MYT1L: variants seen among roughly 807,000 people sequenced by gnomAD.
MYT1L encodes myelin transcription factor 1 like, also known as myelin transcription factor 1-like protein.
MYT1L carries 12 observed loss-of-function variants against 126.7 expected under a neutral mutation model. The ratio of observed to expected loss-of-function variants is 0.09; its 90% CI spans 0.06 to 0.15. MYT1L has a LOEUF of 0.15. Ranked by LOEUF, MYT1L falls within the 10% of genes least tolerant of loss-of-function variation. The pLI, the probability that MYT1L is intolerant of heterozygous loss-of-function variation, is 1.00. For synonymous variants in MYT1L, 541 were observed against 604.2 expected, an observed-to-expected ratio of 0.90 and a Z score of 1.53; for missense variants, 979 against 1,585.2, an observed-to-expected ratio of 0.62 and a Z score of 6.49.
At chr2:2,307,916 A>G (rs2095881368) in intron 1 of MYT1L, among the ~76,000 whole-genome samples, 4 of 149,782 alleles carry the variant, frequency 2.7e-5, no homozygotes, top group Non-Finnish European at 3.0e-5. Flanking sequence ...CACTCTATCT[A>G]TACTCCACCT....
In MYT1L at chr2:2,247,758, A is replaced by G. The variant is rs148127730; in HGVS notation, c.-421+36646T>C. Among the ~76,000 whole-genome samples the G allele has an allele frequency of 6.1e-3, 930 of 152,302 alleles. 10 individuals are homozygous for G. Among genetic ancestry groups the G allele is most frequent in the African/African-American group, 0.021 (889 of 41,570 alleles). On this transcript the variant is annotated intron_variant, in intron 2 of 24. Coordinates refer to ENST00000647738, the MANE Select transcript of MYT1L (RefSeq NM_001303052.2). Reference sequence around the variant, plus strand: ...ATTTCCATGAATTTTACAAATACATAGAAATTAAACAGCATGTTCCTGAAT... The same window carrying G: ...ATTTCCATGAATTTTACAAATACATGGAAATTAAACAGCATGTTCCTGAAT...
Position 1,943,854 on chromosome 2 carries a change from C to A in MYT1L, c.153-520G>T, listed in dbSNP as rs944277726. Among the ~76,000 whole-genome samples the A allele has an allele frequency of 3.3e-5, 5 of 152,114 alleles. No individual in the cohort carries two copies. Among genetic ancestry groups the A allele is most frequent in the African/African-American group, 9.7e-5 (4 of 41,418 alleles). ...TTATGGATTAAATTATATCTTTAGA[C>A]TTGATAACCTCCTGAAACAAGATGA... On this transcript the variant is annotated intron_variant, in intron 8 of 24. Coordinates refer to ENST00000647738, the MANE Select transcript of MYT1L (RefSeq NM_001303052.2). The surrounding 1 kb of genome is among the most constrained non-coding windows in gnomAD (Gnocchi z 4.4).
intron 1 of MYT1L, among the ~76,000 whole-genome samples, chr2:2,307,919 C>T (rs1164303394): frequency 6.7e-6 from 1 of 150,132 alleles, no homozygotes; most frequent in Non-Finnish European, 1.5e-5. Flanking sequence ...TCTATCTATA[C>T]TCCACCTATA....
chr2:2,310,461 C>T (rs1299739012), intron 1 of MYT1L, among the ~76,000 whole-genome samples: 2 of 152,148 alleles, frequency 1.3e-5, no homozygotes, highest in East Asian at 3.9e-4. Context: ...CACTTCAGTA[C>T]ACTATACTAC....
chr2:1,956,191 G>GCCTA (rs2058336634), intron 8 of MYT1L, among the ~76,000 whole-genome samples: 1 of 145,876 alleles, frequency 6.9e-6, no homozygotes, highest in African/African-American at 2.7e-5. Flanking sequence ...TTACCTAGCT[G>GCCTA]TCTATCTATC....
At chr2:2,272,751 C>G (rs2095288163) in intron 2 of MYT1L, among the ~76,000 whole-genome samples, 1 of 152,180 alleles carries the variant, frequency 6.6e-6, no homozygotes, top group African/African-American at 2.4e-5. Flanking sequence ...GGCTTCCCTG[C>G]CAGTCTTTCT....
chr2:2,246,192 G>C (rs1422233284), intron 2 of MYT1L, among the ~76,000 whole-genome samples: 2 of 152,108 alleles, frequency 1.3e-5, no homozygotes, highest in East Asian at 3.9e-4. Context: ...AAGAGAGCTA[G>C]CAGAGAGGTG....
At chr2:1,797,699 T>A (rs1225279197) in intron 23 of MYT1L, among the ~76,000 whole-genome samples, 1 of 152,246 alleles carries the variant, frequency 6.6e-6, no homozygotes, top group Non-Finnish European at 1.5e-5. Context: ...TCTTCTCAAT[T>A]AAATAAAATT....
intron 18 of MYT1L, among the ~76,000 whole-genome samples, chr2:1,874,100 G>A (rs770693199): frequency 1.5e-4 from 23 of 152,066 alleles, no homozygotes; most frequent in Admixed American, 7.2e-4. Flanking sequence ...TTTGCGTGCC[G>A]GCCTGAGATG....
intron 2 of MYT1L, among the ~76,000 whole-genome samples, chr2:2,267,352 G>A (rs545071309): frequency 6.6e-6 from 1 of 152,352 alleles, no homozygotes; most frequent in Non-Finnish European, 1.5e-5. Context: ...GAGAGGTGGA[G>A]TGAATTCCGA....
chr2:2,000,775 C>A (rs986262490), intron 4 of MYT1L, among the ~76,000 whole-genome samples: 1 of 152,174 alleles, frequency 6.6e-6, no homozygotes. Context: ...GGTTCTAAGG[C>A]CCTGCATGTC....
At chr2:2,016,255 CA>C (rs1026941809) in intron 4 of MYT1L, among the ~76,000 whole-genome samples, 1 of 152,162 alleles carries the variant, frequency 6.6e-6, no homozygotes, top group African/African-American at 2.4e-5. Flanking sequence ...CGTGATATGC[CA>C]GGGGAGAGAG....
rs537894499 is a variant in MYT1L at position 1,909,538 on chromosome 2, C to T, written c.1817+702G>A. Among the ~76,000 whole-genome samples, 17 of 152,196 alleles carry T rather than the reference C, an allele frequency of 1.1e-4. No homozygotes were observed. The South Asian group carries it at 2.7e-3, about 24-fold the overall frequency. On this transcript the variant is annotated intron_variant, in intron 13 of 24. Coordinates refer to ENST00000647738, the MANE Select transcript of MYT1L (RefSeq NM_001303052.2). ...ATGTAGATGAGGATTTCAAACAACACGTAAGAATGAAAGCTGTATAGAAGG... is the reference window on the plus strand; with the variant it reads ...ATGTAGATGAGGATTTCAAACAACATGTAAGAATGAAAGCTGTATAGAAGG...
At chr2:2,026,348 C>T (rs569655717) in intron 4 of MYT1L, among the ~76,000 whole-genome samples, 2 of 152,212 alleles carry the variant, frequency 1.3e-5, no homozygotes, top group Admixed American at 6.5e-5. Flanking sequence ...GTTCAGAGAC[C>T]GGGTGTCCCA....
At chr2:2,299,348 G>A (rs2095749344) in intron 1 of MYT1L, among the ~76,000 whole-genome samples, 1 of 152,240 alleles carries the variant, frequency 6.6e-6, no homozygotes, top group African/African-American at 2.4e-5. Context: ...CGCCAGCAGG[G>A]ACCCATGTCA....
intron 18 of MYT1L, among the ~76,000 whole-genome samples, chr2:1,873,305 A>T (rs1477537592): frequency 2.0e-5 from 3 of 152,242 alleles, no homozygotes; most frequent in Non-Finnish European, 4.4e-5. Flanking sequence ...TTTTTATTTT[A>T]CCTAAAATCT....
chr2:1,809,080 G>C lies in MYT1L; in HGVS notation c.3168C>G (p.Ser1056Arg). The change falls in exon 22 of 25, where the codon AGC (serine) becomes AGG (arginine). Residue 1056 changes from serine to arginine, a missense_variant. Transcript: ENST00000647738. ...EQMLTIKQRASNGIENDEEIK... is the reference protein window; with the variant it reads ...EQMLTIKQRARNGIENDEEIK... Reference sequence around the variant, plus strand: ...GAGGGCTGGAGGGGTGCTCACCGTTGCTGGCCCGCTGTTTGATGGTCAGCA... The same window carrying C: ...GAGGGCTGGAGGGGTGCTCACCGTTCCTGGCCCGCTGTTTGATGGTCAGCA... 6.2e-7 allele frequency: 1 copy of C among 1,613,866 alleles called. No homozygotes were observed. Among genetic ancestry groups the C allele is most frequent in the South Asian group, 1.1e-5 (1 of 91,086 alleles).
chr2:2,101,802 A>G (rs1174949538), intron 3 of MYT1L, among the ~76,000 whole-genome samples: 4 of 152,256 alleles, frequency 2.6e-5, no homozygotes, highest in South Asian at 4.1e-4. Context: ...AAGATTGAAG[A>G]GACAATGCAT....
chr2:2,262,156 A>C (rs1218383884), intron 2 of MYT1L, among the ~76,000 whole-genome samples: 1 of 152,332 alleles, frequency 6.6e-6, no homozygotes, highest in East Asian at 1.9e-4. Flanking sequence ...CATTGCAGGC[A>C]CTAAATAAAT....
Sources: gnomAD v4.1 joint callset for allele counts (sites outside exome capture counted in the v4.1 genomes callset) on GRCh38, gnomAD v4.1.1 for gene constraint, Gnocchi (gnomAD v3.1) non-coding constraint, MANE v1.5 for transcripts, NCBI Gene and HGNC (gene_info 2026-07-23, HGNC 2026-07-21) for gene names.